NBPF12: variants seen among roughly 807,000 people sequenced by gnomAD.
NBPF12 encodes the protein NBPF family member NBPF12.
A neutral mutation model predicts 146.4 loss-of-function variants in NBPF12; 115 were observed. That is an observed-to-expected ratio of 0.79 (90% CI 0.68 to 0.92). The LOEUF is 0.92. Ranked by LOEUF, NBPF12 falls within the 40% of genes least tolerant of loss-of-function variation. NBPF12 has a pLI of 0.00. For missense variants in NBPF12, 1,205 were observed against 1,326.8 expected (o/e 0.91, Z 1.43); for synonymous variants, 385 against 508.9 (o/e 0.76, Z 3.28).
intron 6 of NBPF12, 27 bp downstream of exon 9, chr1:146,963,336 C>A: frequency 1.9e-6 from 3 of 1,610,974 alleles, no homozygotes; most frequent in Admixed American, 3.3e-5. Flanking sequence ...CCCTGATGAC[C>A]CAAAACCCCA....
chr1:146,939,461 G>C (rs1332760512), intron 1 of NBPF12, among the ~76,000 whole-genome samples: 3 of 152,120 alleles, frequency 2.0e-5, no homozygotes, highest in Admixed American at 1.3e-4. Flanking sequence ...GCCAGGTCCA[G>C]GATGCATGTG....
chr1:146,946,148 C>T (rs1185303294), upstream of NBPF12, among the ~76,000 whole-genome samples: 2 of 151,782 alleles, frequency 1.3e-5, no homozygotes, highest in Non-Finnish European at 2.9e-5. Flanking sequence ...AATCAGATTT[C>T]ATTGTATGGC....
At chr1:146,956,179 T>C (rs1253001888) in intron 2 of NBPF12, among the ~76,000 whole-genome samples, 1 of 151,746 alleles carries the variant, frequency 6.6e-6, no homozygotes, top group South Asian at 2.1e-4. Flanking sequence ...TATAGCCACA[T>C]GAAGGAATAC....
At chr1:146,984,943 G>C (rs1251813579) in exon 22 of NBPF12, 71 of 1,555,156 alleles carry the variant, frequency 4.6e-5, no homozygotes, top group Non-Finnish European at 6.0e-5. Flanking sequence ...TGCCTTTTAC[G>C]TATTGGAGCA....
intron 10 of NBPF12, among the ~76,000 whole-genome samples, chr1:146,969,113 C>G (rs1553886043): frequency 6.6e-6 from 1 of 150,710 alleles, no homozygotes; most frequent in African/African-American, 2.5e-5. Context: ...CTTTTTGAAA[C>G]GGAATTAGGA....
At chr1:146,940,013 G>C (rs1196298971) in intron 1 of NBPF12, among the ~76,000 whole-genome samples, 1 of 151,680 alleles carries the variant, frequency 6.6e-6, no homozygotes, top group Non-Finnish European at 1.5e-5. Flanking sequence ...TTCTTGCAGT[G>C]GTATCTTTTC....
chr1:146,964,858 ATCT>A (rs1333319770), intron 7 of NBPF12, 32 bp from the exon 11 acceptor site: 1 of 1,543,704 alleles, frequency 6.5e-7, no homozygotes, highest in African/African-American at 1.4e-5. Flanking sequence ...TCTGTGTTTA[ATCT>A]TCTGTCATCT....
chr1:146,965,626 CAAAA>C (rs1271486549), intron 8 of NBPF12, among the ~76,000 whole-genome samples: 21 of 117,964 alleles, frequency 1.8e-4, no homozygotes, highest in Admixed American at 5.0e-4. Flanking sequence ...ACTAAAAATA[CAAAA>C]AAAAAAAAAA....
chr1:146,945,022 C>CCCTT (rs1265087142), upstream of NBPF12, among the ~76,000 whole-genome samples: 45 of 36,470 alleles, frequency 1.2e-3, no homozygotes, highest in Non-Finnish European at 1.7e-3. Context: ...CTCCCTCCCT[C>CCCTT]CCTTCCTTCC....
At chr1:146,939,267 C>T (rs1178582533) in intron 1 of NBPF12, among the ~76,000 whole-genome samples, 10 of 152,146 alleles carry the variant, frequency 6.6e-5, no homozygotes, top group East Asian at 3.9e-4. Flanking sequence ...GGAGCAGCTT[C>T]GGGGGCACGT....
intron 25 of NBPF12, among the ~76,000 whole-genome samples, chr1:146,987,623 G>A (rs1320626115): frequency 2.3e-4 from 35 of 152,024 alleles, no homozygotes; most frequent in Non-Finnish European, 4.7e-4. Context: ...AACTCAGAGT[G>A]TCCTGTTACT....
chr1:146,962,390 A>C (rs1320465829), intron 5 of NBPF12, 127 bp downstream of exon 8: 2 of 751,470 alleles, frequency 2.7e-6, no homozygotes, highest in Non-Finnish European at 4.7e-6. Flanking sequence ...TGGCAGGCTC[A>C]TGACACACAA....
intron 7 of NBPF12, 68 bp downstream of exon 10, chr1:146,964,497 C>G (rs1381231469): frequency 1.9e-6 from 3 of 1,590,538 alleles, no homozygotes; most frequent in African/African-American, 1.4e-5. Flanking sequence ...GGCACACCCT[C>G]TCTGGCATCT....
chr1:146,962,947 T>G, intron 5 of NBPF12, 148 bp from the exon 9 acceptor site: 1 of 643,862 alleles, frequency 1.6e-6, no homozygotes, highest in East Asian at 2.7e-5. Context: ...CTGTTCTTTC[T>G]CTTGGCCACA....
At chr1:146,981,732 A>G (rs1657410889) in intron 19 of NBPF12, among the ~76,000 whole-genome samples, 1 of 151,624 alleles carries the variant, frequency 6.6e-6, no homozygotes, top group African/African-American at 2.4e-5. Flanking sequence ...TCCCATATTT[A>G]TTGGAGGCTT....
In NBPF12 at chr1:146,975,265, C is replaced by T. The variant is rs1312142316; in HGVS notation, c.1905-412C>T. ...CGACCCTGTCATTCTTTTCTTCTTT[C>T]GTCTTTTCAATTCGCCCTATCTGCA... On this transcript the variant is annotated intron_variant, in intron 15 of 33. Coordinates refer to ENST00000617844, the Ensembl canonical transcript of NBPF12. Among the ~76,000 whole-genome samples, 7 of 132,708 alleles carry T rather than the reference C, an allele frequency of 5.3e-5. No homozygotes were observed. The East Asian group carries it at 1.0e-3, about 19-fold the overall frequency. The allele number at this position is 132,708 out of a possible 152,430, so 87.1% of individuals were successfully genotyped here.
exon 34 of NBPF12, chr1:146,994,603 A>T (rs782298479): frequency 1.4e-5 from 23 of 1,587,578 alleles, no homozygotes; most frequent in African/African-American, 2.8e-5. Context: ...GAGAGGTTTC[A>T]TTCCTGCAGG....
chr1:146,983,027 G>C, exon 20 of NBPF12: 7 of 1,608,708 alleles, frequency 4.4e-6, no homozygotes, highest in Non-Finnish European at 5.1e-6. Flanking sequence ...CCTCATACCA[G>C]TCTTACAGCA....
chr1:146,986,006 GT>G (rs1657731599), intron 23 of NBPF12, among the ~76,000 whole-genome samples: 3 of 151,752 alleles, frequency 2.0e-5, no homozygotes, highest in Non-Finnish European at 4.4e-5. Flanking sequence ...TCTTGAGCAA[GT>G]TTATGGAAAA....
Sources: allele counts gnomAD v4.1 joint callset (sites outside exome capture counted in the v4.1 genomes callset), GRCh38; gene constraint gnomAD v4.1.1; transcripts MANE v1.5; gene names NCBI Gene and HGNC (gene_info 2026-07-23, HGNC 2026-07-21).